ZSCAN16: variants seen among roughly 807,000 people sequenced by gnomAD.
ZSCAN16 encodes zinc finger and SCAN domain containing 16.
Under a neutral mutation model 19.4 loss-of-function variants are expected in ZSCAN16, and 15 were observed. The observed-to-expected ratio is 0.77, with a 90% CI of 0.52 to 1.19. ZSCAN16 has a LOEUF of 1.19. Among genes scored for constraint, ZSCAN16 ranks in the 50% most tolerant of loss-of-function variants. The pLI, the probability that ZSCAN16 is intolerant of heterozygous loss-of-function variation, is 0.00. For synonymous variants in ZSCAN16, 138 were observed against 146.5 expected (o/e 0.94, Z 0.42); for missense variants, 327 against 415.7 (o/e 0.79, Z 1.86).
At chr6:28,126,291 T>C (rs1764901083) in intron 2 of ZSCAN16, among the ~76,000 whole-genome samples, 1 of 152,198 alleles carries the variant, frequency 6.6e-6, no homozygotes, top group African/African-American at 2.4e-5. Context: ...GAAATATATA[T>C]TTTATTTAGC....
intron 2 of ZSCAN16, among the ~76,000 whole-genome samples, chr6:28,126,035 G>A (rs1009320335): frequency 3.3e-5 from 5 of 152,150 alleles, no homozygotes; most frequent in Non-Finnish European, 5.9e-5. Context: ...TGTTTGGAAG[G>A]CTAGGATCAG....
rs751930318 is a variant in ZSCAN16, at chr6:28,126,873, C to T, written c.478C>T (p.Pro160Ser). The T allele has an allele frequency of 6.3e-7, 1 of 1,584,534 alleles. No individual in the cohort carries two copies. The highest frequency in any genetic ancestry group is 2.3e-5 in the East Asian group (1 of 43,906). Residue 160 changes from proline to serine, a missense_variant, in exon 3 of 4, where the codon CCC becomes TCC. Coordinates refer to ENST00000340487, the MANE Select transcript of ZSCAN16 (RefSeq NM_025231.3). ...PYESLTVQLH[P>S]KKTQLEQEAG... The stretch of plus-strand genomic sequence containing the variant: ...TGAATCACTGACTGTCCAGCTCCAT[C>T]CCAAAAAGACCCAGCTGGAGCAGGA...
intron 3 of ZSCAN16, among the ~76,000 whole-genome samples, chr6:28,129,214 A>G (rs1489162304): frequency 1.3e-5 from 2 of 152,104 alleles, no homozygotes; most frequent in Non-Finnish European, 2.9e-5. Flanking sequence ...TGTTCTGCTG[A>G]TATCTTCCTT....
In ZSCAN16 at chr6:28,126,936, T is replaced by C; in HGVS notation, c.526+15T>C. 6.5e-7 allele frequency: 1 copy of C among 1,541,700 alleles called. No individual in the cohort carries two copies. The highest frequency in any genetic ancestry group is 8.8e-7 in the Non-Finnish European group (1 of 1,134,708). ...ACAAAGGAATGGTAAGCAGGAACAG[T>C]TCTGAGTGTATGAGGGTAGAGGTAC... is the stretch of plus-strand genomic sequence containing the variant. On this transcript the variant is annotated intron_variant, in intron 3 of 3. Coordinates refer to ENST00000340487, the MANE Select transcript of ZSCAN16 (RefSeq NM_025231.3).
intron 3 of ZSCAN16, among the ~76,000 whole-genome samples, chr6:28,128,040 T>C (rs775056567): frequency 2.0e-5 from 3 of 152,226 alleles, no homozygotes; most frequent in Non-Finnish European, 1.5e-5. Context: ...TTATATGTAA[T>C]GTAAAGAAGC....
chr6:28,129,359 C>G, intron 3 of ZSCAN16, 71 bp from the exon 4 acceptor site: 1 of 1,510,682 alleles, frequency 6.6e-7, no homozygotes, highest in Non-Finnish European at 8.8e-7. Flanking sequence ...TTTACATGTT[C>G]TTTCTTCCAT....
In ZSCAN16 at chr6:28,129,880, G is replaced by A. The variant is rs369114694; in HGVS notation, c.977G>A (p.Gly326Glu). The change falls in exon 4 of 4, where the codon GGA becomes GAA. Residue 326 changes from glycine (G) to glutamate (E), a missense_variant. Physicochemically the swap from Gly to Glu is moderately conservative, Grantham distance 98 (BLOSUM62 -2). Coordinates refer to ENST00000340487, the MANE Select transcript of ZSCAN16 (RefSeq NM_025231.3). ...GEKPYECDECGRPFRVSSALI... is the reference protein window; with the variant it reads ...GEKPYECDECERPFRVSSALI... ...AAACCCTATGAATGTGATGAGTGTG[G>A]AAGGCCTTTCCGAGTAAGTTCAGCT... 26 of 1,613,296 alleles carry A rather than the reference G, an allele frequency of 1.6e-5. 1 individual carries two copies. In the African/African-American group the frequency reaches 3.3e-4, roughly 21 times the overall value.
chr6:28,126,748 C>T, intron 2 of ZSCAN16, 35 bp from the exon 3 acceptor site: 2 of 1,393,982 alleles, frequency 1.4e-6, no homozygotes, highest in African/African-American at 1.5e-5. Flanking sequence ...CTTAAGTTTC[C>T]ATAAAATTCA....
At chr6:28,129,082 C>G (rs1051804887) in intron 3 of ZSCAN16, among the ~76,000 whole-genome samples, 1 of 152,180 alleles carries the variant, frequency 6.6e-6, no homozygotes, top group Non-Finnish European at 1.5e-5. Context: ...TCCAGTCTCT[C>G]TAATTATCCT....
chr6:28,129,996 G>C lies in ZSCAN16; in HGVS notation c.*46G>C, dbSNP rs200693528. The C allele has an allele frequency of 1.5e-4, 212 of 1,427,020 alleles. No homozygotes were observed. The highest frequency in any genetic ancestry group is 1.9e-4 in the Non-Finnish European group (200 of 1,060,202). The allele number at this position is 1,427,020 out of a possible 1,614,324, so 88.4% of individuals were successfully genotyped here. On this transcript the variant is annotated 3_prime_UTR_variant, in exon 4 of 4. Coordinates refer to ENST00000340487, the MANE Select transcript of ZSCAN16 (RefSeq NM_025231.3). ...TTCTTTGGACACTCAGGCCTAACTA[G>C]TTATCAAAGAATCTATTTTAGAAAC...
In ZSCAN16 at chr6:28,125,425, T is replaced by C; in HGVS notation, c.-19T>C. Reference sequence around the variant, plus strand: ...GACTCAATCCCAGATAGAGGATAAATCTCCTGGCAAAGCCCAGAATGACCA... The same window carrying C: ...GACTCAATCCCAGATAGAGGATAAACCTCCTGGCAAAGCCCAGAATGACCA... On this transcript the variant is annotated 5_prime_UTR_variant, in exon 2 of 4. Transcript: ENST00000340487. This position sits in a 1 kb window ranked among gnomAD's most constrained non-coding sequence, Gnocchi z 6.2. 6.2e-7 allele frequency: 1 copy of C among 1,600,176 alleles called. No homozygotes were observed. The highest frequency in any genetic ancestry group is 8.5e-7 in the Non-Finnish European group (1 of 1,173,660).
rs1024362029 is a variant in ZSCAN16 at position 28,129,982 on chromosome 6, C to T, written c.*32C>T. 8 of 1,492,392 alleles carry T rather than the reference C, an allele frequency of 5.4e-6. No homozygotes were observed. In the Admixed American group the frequency reaches 1.5e-4, roughly 28 times the overall value. 92.4% of individuals were successfully genotyped at this position (1,492,392 alleles called of 1,614,324 possible). A position where few individuals can be genotyped will look rare whatever the true frequency, so the allele number is the denominator to read the frequency against. ...AGTAATATCAAAAGTTCTTTGGACACTCAGGCCTAACTAGTTATCAAAGAA... is the reference window on the plus strand; with the variant it reads ...AGTAATATCAAAAGTTCTTTGGACATTCAGGCCTAACTAGTTATCAAAGAA... On this transcript the variant is annotated 3_prime_UTR_variant, in exon 4 of 4. Coordinates refer to ENST00000340487, the MANE Select transcript of ZSCAN16 (RefSeq NM_025231.3).
At position 28,125,740 on chromosome 6, in the gene ZSCAN16, A is replaced by T; in HGVS notation, c.297A>T (p.Ala99=). The T allele has an allele frequency of 1.2e-6, 2 of 1,614,198 alleles. No individual in the cohort carries two copies. The highest frequency in any genetic ancestry group is 1.7e-6 in the Non-Finnish European group (2 of 1,180,032). Residue 99 remains alanine, a synonymous_variant, in exon 2 of 4, where the codon GCA becomes GCT. Transcript: ENST00000340487. The surrounding 1 kb of genome is among the most constrained non-coding windows in gnomAD (Gnocchi z 6.2). ...GCATTCTTCCTAAAGACCTGCAAGC[A>T]TGGGTGCGTGCACACCATCCAGAGA... The part of the protein sequence containing the change: ...FLSILPKDLQ[A]WVRAHHPETG...
At chr6:28,127,699 T>C (rs1217787265) in intron 3 of ZSCAN16, among the ~76,000 whole-genome samples, 1 of 152,198 alleles carries the variant, frequency 6.6e-6, no homozygotes, top group East Asian at 1.9e-4. Context: ...CATGTCAAAT[T>C]AATTGGGTTT....
chr6:28,129,942 C>T lies in ZSCAN16; in HGVS notation c.1039C>T (p.Leu347Phe), dbSNP rs148549286. ...TCAAAGAATTCATACCGCAAATAAA[C>T]TCTACTAATATAGCAGTAATATCAA... ...RHQRIHTANKLY is the reference protein window; with the variant it reads ...RHQRIHTANKFY Residue 347 changes from leucine (L) to phenylalanine (F), a missense_variant, in exon 4 of 4, where the codon CTC (leucine) becomes TTC (phenylalanine). Physicochemically the swap from Leu to Phe is conservative, Grantham distance 22. Transcript: ENST00000340487. 323 of 1,584,516 alleles carry T rather than the reference C, an allele frequency of 2.0e-4. 1 individual carries two copies. In the African/African-American group the frequency reaches 3.6e-3, roughly 18 times the overall value.
intron 3 of ZSCAN16, among the ~76,000 whole-genome samples, chr6:28,129,178 T>C (rs149837211): frequency 6.6e-6 from 1 of 152,316 alleles, no homozygotes; most frequent in African/African-American, 2.4e-5. Flanking sequence ...TTGCCTTTTC[T>C]TCTCTTAATC....
Position 28,126,875 on chromosome 6 carries a change from C to CA in ZSCAN16, c.485dup (p.Thr163AspfsTer15). The CA allele has an allele frequency of 6.3e-7, 1 of 1,584,834 alleles. No individual in the cohort carries two copies. The highest frequency in any genetic ancestry group is 8.6e-7 in the Non-Finnish European group (1 of 1,160,784). The stretch of plus-strand genomic sequence containing the variant: ...AATCACTGACTGTCCAGCTCCATCC[C>CA]AAAAAGACCCAGCTGGAGCAGGAAG... On this transcript the variant is annotated frameshift_variant, in exon 3 of 4. Coordinates refer to ENST00000340487, the MANE Select transcript of ZSCAN16 (RefSeq NM_025231.3). LOFTEE classifies it low-confidence loss of function (END_TRUNC).
At chr6:28,124,832 C>T (rs180999058) in intron 1 of ZSCAN16, among the ~76,000 whole-genome samples, 155 bp downstream of exon 1, 235 of 152,322 alleles carry the variant, frequency 1.5e-3, no homozygotes, top group Admixed American at 3.5e-3. Context: ...GGATTTGGCC[C>T]AGCCTTCCGG....
intron 3 of ZSCAN16, among the ~76,000 whole-genome samples, chr6:28,127,353 G>C (rs1363689144): frequency 7.3e-6 from 1 of 136,900 alleles, no homozygotes; most frequent in Non-Finnish European, 1.6e-5. Flanking sequence ...TATGCTTACA[G>C]GGTTAGTTAC....
Sources: allele counts gnomAD v4.1 joint callset (sites outside exome capture counted in the v4.1 genomes callset), GRCh38; gene constraint gnomAD v4.1.1; non-coding constraint Gnocchi (gnomAD v3.1); transcripts MANE v1.5; gene names NCBI Gene and HGNC (gene_info 2026-07-23, HGNC 2026-07-21).